The following OPCML variants were observed in gnomAD, a reference collection of about 807,000 sequenced individuals.
OPCML encodes the protein opioid binding protein/cell adhesion molecule like.
Under a neutral mutation model 37.8 loss-of-function variants are expected in OPCML, and 13 were observed. That is an observed-to-expected ratio of 0.34 (90% CI 0.22 to 0.55). The LOEUF is 0.55. Among genes scored for constraint, OPCML ranks in the 20% least tolerant of loss-of-function variants. OPCML has a pLI of 0.91. For missense variants in OPCML, 341 were observed against 435.6 expected (o/e 0.78, Z 1.93); for synonymous variants, 176 against 168.8 (o/e 1.04, Z -0.33).
At chr11:132,676,795 A>G (rs1942728317) in intron 2 of OPCML, among the ~76,000 whole-genome samples, 1 of 151,312 alleles carries the variant, frequency 6.6e-6, no homozygotes, top group Non-Finnish European at 1.5e-5. Context: ...ACAAGAAAAA[A>G]AAAAAAAAAG....
intron 2 of OPCML, among the ~76,000 whole-genome samples, chr11:132,768,044 A>G (rs1216225870): frequency 6.6e-6 from 1 of 152,210 alleles, no homozygotes; most frequent in Non-Finnish European, 1.5e-5. Context: ...TCTCAAAGAG[A>G]TGGTGTTGAC....
intron 1 of OPCML, among the ~76,000 whole-genome samples, chr11:133,112,566 A>T (rs1761426349): frequency 6.6e-6 from 1 of 152,188 alleles, no homozygotes; most frequent in African/African-American, 2.4e-5. Context: ...TTCTTAAAAT[A>T]TAAGATTGGA....
At chr11:133,093,154 A>G (rs1399851214) in intron 1 of OPCML, among the ~76,000 whole-genome samples, 1 of 151,920 alleles carries the variant, frequency 6.6e-6, no homozygotes, top group Non-Finnish European at 1.5e-5. Flanking sequence ...GATTTGTGAG[A>G]TTTTGGTGTA....
chr11:133,204,868 G>GTGTATATA (rs1435953218), intron 1 of OPCML, among the ~76,000 whole-genome samples: 47 of 117,286 alleles, frequency 4.0e-4, no homozygotes, highest in Admixed American at 5.6e-4. Flanking sequence ...ATATATATGT[G>GTGTATATA]TATATATATA....
At chr11:133,023,993 T>G (rs1015181309) in intron 1 of OPCML, among the ~76,000 whole-genome samples, 18 of 152,220 alleles carry the variant, frequency 1.2e-4, no homozygotes, top group Non-Finnish European at 1.9e-4. Context: ...ACCCTCACCC[T>G]GCACAGAGGC....
intron 1 of OPCML, among the ~76,000 whole-genome samples, chr11:133,039,411 C>T (rs1204993095): frequency 6.6e-6 from 1 of 152,196 alleles, no homozygotes; most frequent in African/African-American, 2.4e-5. Flanking sequence ...CCTTCCAAAG[C>T]CCTCCAGCCC....
intron 1 of OPCML, among the ~76,000 whole-genome samples, chr11:133,246,802 A>G (rs1471911254): frequency 6.6e-6 from 1 of 152,254 alleles, no homozygotes; most frequent in Non-Finnish European, 1.5e-5. Flanking sequence ...ACTATTTTCC[A>G]AGCAAGAAAT....
chr11:133,045,812 A>C (rs149124805), intron 1 of OPCML, among the ~76,000 whole-genome samples: 1 of 152,330 alleles, frequency 6.6e-6, no homozygotes, highest in African/African-American at 2.4e-5. Context: ...ACAGCTTCAT[A>C]ATGGTTAGAC....
At chr11:132,967,995 G>A (rs1175844333) in intron 1 of OPCML, among the ~76,000 whole-genome samples, 1 of 152,108 alleles carries the variant, frequency 6.6e-6, no homozygotes, top group Admixed American at 6.5e-5. Context: ...AACCTATACT[G>A]ATACATTATT....
intron 2 of OPCML, among the ~76,000 whole-genome samples, chr11:132,752,211 G>A (rs1230031426): frequency 6.6e-6 from 1 of 151,530 alleles, no homozygotes; most frequent in Non-Finnish European, 1.5e-5. Flanking sequence ...AATTAATTGT[G>A]TATTTTGAAG....
At position 132,963,427 on chromosome 11, in the gene OPCML, T is replaced by TA. The variant is rs890250877; in HGVS notation, c.62-20418dup. The stretch of plus-strand genomic sequence containing the variant: ...CAATATGGTGAAACCCCGTCTCGAC[T>TA]AAAAAATACAAAAAATTAGCCAGGT... On this transcript the variant is annotated intron_variant, in intron 1 of 7. Transcript: ENST00000524381. Among the ~76,000 whole-genome samples, 37 of 151,754 alleles carry TA rather than the reference T, an allele frequency of 2.4e-4. 1 individual carries two copies. The highest frequency in any genetic ancestry group is 7.3e-4 in the African/African-American group (30 of 41,294).
At chr11:133,406,333 G>C (rs1222603178) in intron 1 of OPCML, among the ~76,000 whole-genome samples, 8 of 152,108 alleles carry the variant, frequency 5.3e-5, no homozygotes, top group Non-Finnish European at 1.2e-4. Context: ...TCCATCCTCA[G>C]TGGGAACAGA....
intron 2 of OPCML, among the ~76,000 whole-genome samples, chr11:132,914,595 G>A (rs376568531): frequency 1.3e-5 from 2 of 152,184 alleles, no homozygotes; most frequent in Non-Finnish European, 2.9e-5. Context: ...GAGAGTGAAC[G>A]GCTGTGCTGG....
At chr11:133,370,085 C>T (rs766714007) in intron 1 of OPCML, among the ~76,000 whole-genome samples, 48 of 152,140 alleles carry the variant, frequency 3.2e-4, no homozygotes, top group Non-Finnish European at 6.2e-4. Context: ...AGACTCATTA[C>T]ATCAGGTCAG....
intron 1 of OPCML, among the ~76,000 whole-genome samples, chr11:133,520,294 A>G (rs1273605254): frequency 1.3e-5 from 2 of 152,094 alleles, no homozygotes; most frequent in African/African-American, 4.8e-5. Context: ...CCACCTCACT[A>G]TCCCTGCTCA....
chr11:133,220,070 C>T (rs962589555), intron 1 of OPCML, among the ~76,000 whole-genome samples: 12 of 152,140 alleles, frequency 7.9e-5, no homozygotes, highest in African/African-American at 2.4e-4. Context: ...TCATTCATTC[C>T]TTCAACCCTA....
chr11:132,636,082 G>C (rs1430479068), intron 3 of OPCML, among the ~76,000 whole-genome samples: 4 of 152,172 alleles, frequency 2.6e-5, no homozygotes, highest in Non-Finnish European at 5.9e-5. Flanking sequence ...ATGCAAATGA[G>C]TGTTTTGCGC....
At chr11:133,111,311 T>C (rs1391383198) in intron 1 of OPCML, among the ~76,000 whole-genome samples, 1 of 152,202 alleles carries the variant, frequency 6.6e-6, no homozygotes, top group African/African-American at 2.4e-5. Context: ...CAGTTCCATA[T>C]GTCCCTTCAC....
At chr11:133,303,147 C>T (rs574013706) in intron 1 of OPCML, among the ~76,000 whole-genome samples, 2 of 152,086 alleles carry the variant, frequency 1.3e-5, no homozygotes, top group Admixed American at 1.3e-4. Flanking sequence ...AAAGAAAATG[C>T]AGCCCAAAAG....
Sources: allele counts gnomAD v4.1 joint callset (sites outside exome capture counted in the v4.1 genomes callset), GRCh38; gene constraint gnomAD v4.1.1; transcripts MANE v1.5; gene names NCBI Gene and HGNC (gene_info 2026-07-23, HGNC 2026-07-21).